Variants in GIGYF2 observed in about 807,000 individuals in gnomAD.
GIGYF2 encodes the protein GRB10-interacting GYF protein 2.
GIGYF2 carries 25 observed loss-of-function variants against 208.1 expected under a neutral mutation model. The ratio of observed to expected loss-of-function variants is 0.12; its 90% CI spans 0.09 to 0.17. The LOEUF (loss-of-function observed/expected upper bound fraction) is 0.17, where lower values mean the gene tolerates loss of function less well. GIGYF2 is among the 10% of genes least tolerant of loss of function. The pLI, the probability that GIGYF2 is intolerant of heterozygous loss-of-function variation, is 1.00. For synonymous variants in GIGYF2, 534 were observed against 543.8 expected (o/e 0.98, Z 0.25); for missense variants, 1,302 against 1,579.4 (o/e 0.82, Z 2.98).
rs531159533 is a variant in GIGYF2, at chr2:232,713,128, T to C, written c.-44+9639T>C. Among the ~76,000 whole-genome samples, 4 of 150,468 alleles carry C rather than the reference T, an allele frequency of 2.7e-5. No individual in the cohort carries two copies. The South Asian group carries it at 8.4e-4, about 32-fold the overall frequency. On this transcript the variant is annotated intron_variant, in intron 2 of 28. Transcript: ENST00000373563. ...TCTTGTTCTGTTTCACAGGCTGGAGTGCAGTGGCATGATCTCTGCTCACTG... is the reference window on the plus strand; with the variant it reads ...TCTTGTTCTGTTTCACAGGCTGGAGCGCAGTGGCATGATCTCTGCTCACTG...
chr2:232,829,892 C>A (rs953529177), intron 21 of GIGYF2, among the ~76,000 whole-genome samples: 1 of 152,210 alleles, frequency 6.6e-6, no homozygotes, highest in Non-Finnish European at 1.5e-5. Flanking sequence ...AGACAGTTGA[C>A]AGTAGACAGT....
chr2:232,764,881 A>G (rs1424137840), intron 8 of GIGYF2, among the ~76,000 whole-genome samples: 2 of 152,194 alleles, frequency 1.3e-5, no homozygotes, highest in Non-Finnish European at 1.5e-5. Flanking sequence ...TATTAATCCA[A>G]TGAGGGTAAT....
chr2:232,730,249 T>G (rs1697401502), intron 2 of GIGYF2: 1 of 878,848 alleles, frequency 1.1e-6, no homozygotes, highest in Admixed American at 2.1e-5. Context: ...GCTCAAGTTG[T>G]GGGCACCCTG....
chr2:232,716,978 G>GTTTTT (rs1324089709), intron 2 of GIGYF2, among the ~76,000 whole-genome samples: 1 of 149,092 alleles, frequency 6.7e-6, no homozygotes, highest in African/African-American at 2.5e-5. Context: ...GCTAATTTTT[G>GTTTTT]TTGTTTTTTT....
At chr2:232,801,188 G>A (rs1700387925) in intron 14 of GIGYF2, among the ~76,000 whole-genome samples, 1 of 152,148 alleles carries the variant, frequency 6.6e-6, no homozygotes, top group African/African-American at 2.4e-5. Context: ...TTATAGGTGT[G>A]AGCCACTGCA....
At chr2:232,798,800 T>A (rs564486949) in intron 14 of GIGYF2, among the ~76,000 whole-genome samples, 152 of 152,038 alleles carry the variant, frequency 1.0e-3, no homozygotes, top group Non-Finnish European at 1.4e-3. Context: ...GTTTTTTTTT[T>A]AATTCATTTT....
At chr2:232,784,862 T>A (rs373183749) in intron 8 of GIGYF2, among the ~76,000 whole-genome samples, 1 of 152,074 alleles carries the variant, frequency 6.6e-6, no homozygotes, top group South Asian at 2.1e-4. Flanking sequence ...GGGAGGTGTT[T>A]GGGTCATGAG....
intron 21 of GIGYF2, among the ~76,000 whole-genome samples, chr2:232,827,061 G>A (rs1238441915): frequency 6.6e-6 from 1 of 152,144 alleles, no homozygotes; most frequent in African/African-American, 2.4e-5. Flanking sequence ...AGCTAGAGAG[G>A]AGAACTCAGT....
At chr2:232,725,503 C>T (rs1243528583) in intron 2 of GIGYF2, among the ~76,000 whole-genome samples, 1 of 152,102 alleles carries the variant, frequency 6.6e-6, no homozygotes, top group Non-Finnish European at 1.5e-5. Context: ...GCCTCATTTC[C>T]TCATCTACAA....
At chr2:232,778,963 A>T (rs953800530) in intron 8 of GIGYF2, among the ~76,000 whole-genome samples, 1 of 152,122 alleles carries the variant, frequency 6.6e-6, no homozygotes, top group Non-Finnish European at 1.5e-5. Context: ...ATTTTTTGAG[A>T]TAAGGGGGCA....
Position 232,857,689 on chromosome 2 carries a change from T to G in GIGYF2, c.*829T>G, listed in dbSNP as rs916391981. On this transcript the variant is annotated 3_prime_UTR_variant, in exon 29 of 29. Transcript: ENST00000373563. ...CATAAATATTTTTACTTCAGAGGACTAGGACCATTTTGTTTTGGGCCCTTC... is the reference window on the plus strand; with the variant it reads ...CATAAATATTTTTACTTCAGAGGACGAGGACCATTTTGTTTTGGGCCCTTC... 2.0e-5 allele frequency: 3 copies of G among 152,642 alleles called. No individual in the cohort carries two copies. Among genetic ancestry groups the G allele is most frequent in the Non-Finnish European group, 4.4e-5 (3 of 68,046 alleles). The allele number at this position is 152,642 out of a possible 1,614,324, so 9.5% of individuals were successfully genotyped here. A position where few individuals can be genotyped will look rare whatever the true frequency, so the allele number is the denominator to read the frequency against.
intron 1 of GIGYF2, among the ~76,000 whole-genome samples, chr2:232,701,125 AAAAC>A (rs1695821510): frequency 6.6e-6 from 1 of 152,136 alleles, no homozygotes; most frequent in Admixed American, 6.5e-5. Flanking sequence ...AGAGGTTTGA[AAAAC>A]AAAGAATGTT....
chr2:232,792,492 C>T (rs139220600), intron 12 of GIGYF2, among the ~76,000 whole-genome samples: 1 of 152,246 alleles, frequency 6.6e-6, no homozygotes, highest in Non-Finnish European at 1.5e-5. Flanking sequence ...ATCCCAGCTA[C>T]TCGGGAAGCT....
intron 5 of GIGYF2, among the ~76,000 whole-genome samples, chr2:232,753,476 C>T (rs182962360): frequency 4.6e-5 from 7 of 152,176 alleles, no homozygotes; most frequent in South Asian, 2.1e-4. Context: ...CCAGGCTAGT[C>T]TCGAACTCCT....
chr2:232,850,141 G>C (rs1690259438), intron 27 of GIGYF2, 121 bp from the exon 28 acceptor site: 2 of 877,544 alleles, frequency 2.3e-6, no homozygotes, highest in Admixed American at 3.5e-5. Flanking sequence ...GTGATGAAAA[G>C]CTTTTTGTTT....
intron 14 of GIGYF2, among the ~76,000 whole-genome samples, chr2:232,797,489 TTGTGTGTGTGTGTG>T (rs67221198): frequency 2.8e-5 from 4 of 144,994 alleles, no homozygotes; most frequent in African/African-American, 1.0e-4. Context: ...AGAGCAGGGC[TTGTGTGTGTGTGTG>T]TGTGTGTGTG....
At chr2:232,739,099 C>G (rs1018851325) in intron 3 of GIGYF2, among the ~76,000 whole-genome samples, 1 of 150,548 alleles carries the variant, frequency 6.6e-6, no homozygotes, top group Non-Finnish European at 1.5e-5. Flanking sequence ...TGGCTCATGC[C>G]TGTAATCCCA....
At chr2:232,742,062 A>G (rs1276081495) in intron 3 of GIGYF2, among the ~76,000 whole-genome samples, 1 of 152,196 alleles carries the variant, frequency 6.6e-6, no homozygotes, top group African/African-American at 2.4e-5. Flanking sequence ...GGTGAAAAAG[A>G]TTAGGAAGAA....
chr2:232,847,263 A>T, intron 26 of GIGYF2, 85 bp from the exon 27 acceptor site: 3 of 1,327,408 alleles, frequency 2.3e-6, no homozygotes. Context: ...AGGTATAAAG[A>T]TACATTAAAA....
Sources: allele counts gnomAD v4.1 joint callset (sites outside exome capture counted in the v4.1 genomes callset), GRCh38; gene constraint gnomAD v4.1.1; transcripts MANE v1.5; gene names NCBI Gene and HGNC (gene_info 2026-07-23, HGNC 2026-07-21).